Variants in YWHAG observed in about 807,000 individuals in gnomAD.
YWHAG encodes the protein 14-3-3 protein gamma.
YWHAG carries 1 observed loss-of-function variant against 23.3 expected under a neutral mutation model. That is an observed-to-expected ratio of 0.04 (90% CI 0.02 to 0.20). The LOEUF (loss-of-function observed/expected upper bound fraction) is 0.20. Among genes scored for constraint, YWHAG ranks in the 10% least tolerant of loss-of-function variants. The probability of loss-of-function intolerance (pLI) is 1.00; values close to 1 mark genes in which losing one functional copy is unlikely to be tolerated. For synonymous variants in YWHAG, 160 were observed against 144.0 expected, an observed-to-expected ratio of 1.11 and a Z score of -0.80; for missense variants, 151 against 338.6, an observed-to-expected ratio of 0.45 and a Z score of 4.35.
chr7:76,356,375 A>C (rs559118212), intron 1 of YWHAG, among the ~76,000 whole-genome samples: 2 of 152,316 alleles, frequency 1.3e-5, no homozygotes, highest in South Asian at 4.1e-4. Context: ...AAAGGTTTTT[A>C]TTTTACAAAC....
intron 1 of YWHAG, among the ~76,000 whole-genome samples, chr7:76,333,794 A>G (rs1438062965): frequency 6.6e-6 from 1 of 152,248 alleles, no homozygotes; most frequent in Non-Finnish European, 1.5e-5. Flanking sequence ...CAGTGCAAGG[A>G]GAGGCCAGCG....
rs1803505045 is a variant in YWHAG, at chr7:76,329,338, G to C, written c.*239C>G. The C allele has an allele frequency of 9.4e-6, 5 of 532,096 alleles. No individual in the cohort carries two copies. Among genetic ancestry groups the C allele is most frequent in the Admixed American group, 3.5e-5 (1 of 28,290 alleles). 33.0% of individuals were successfully genotyped at this position (532,096 alleles called of 1,614,324 possible). A position where few individuals can be genotyped will look rare whatever the true frequency, so the allele number is the denominator to read the frequency against. ...ACAGCTCCACTTGCATGAATCTACAGAACAGTCCAGACGCCAGTGTGAGGC... is the reference window on the plus strand; with the variant it reads ...ACAGCTCCACTTGCATGAATCTACACAACAGTCCAGACGCCAGTGTGAGGC... On this transcript the variant is annotated 3_prime_UTR_variant, in exon 2 of 2. Coordinates refer to ENST00000307630, the MANE Select transcript of YWHAG (RefSeq NM_012479.4). The surrounding 1 kb of genome is among the most constrained non-coding windows in gnomAD (Gnocchi z 6.1).
intron 1 of YWHAG, among the ~76,000 whole-genome samples, chr7:76,343,834 T>A (rs1339876947): frequency 1.3e-5 from 2 of 152,222 alleles, no homozygotes; most frequent in Admixed American, 6.5e-5. Context: ...GGTGAGAGAC[T>A]GTGGGTGAGG....
At chr7:76,334,801 G>GGCGT (rs1803594391) in intron 1 of YWHAG, among the ~76,000 whole-genome samples, 1 of 152,016 alleles carries the variant, frequency 6.6e-6, no homozygotes, top group African/African-American at 2.4e-5. Context: ...GGAGAGAAAT[G>GGCGT]GCGTGATCAC....
At chr7:76,343,936 C>G (rs995814288) in intron 1 of YWHAG, among the ~76,000 whole-genome samples, 1 of 152,170 alleles carries the variant, frequency 6.6e-6, no homozygotes, top group Non-Finnish European at 1.5e-5. Context: ...CCGTATTTCA[C>G]AGCTCCAAAC....
At chr7:76,351,064 A>G (rs1237614995) in intron 1 of YWHAG, among the ~76,000 whole-genome samples, 2 of 152,212 alleles carry the variant, frequency 1.3e-5, no homozygotes, top group African/African-American at 2.4e-5. Flanking sequence ...GCAAGGTGCA[A>G]AAGAATATAA....
intron 1 of YWHAG, among the ~76,000 whole-genome samples, chr7:76,330,732 A>C (rs946733251): frequency 6.6e-6 from 1 of 152,230 alleles, no homozygotes; most frequent in African/African-American, 2.4e-5. Flanking sequence ...AGGGAGTCCA[A>C]ATAAGGGGCA....
intron 1 of YWHAG, among the ~76,000 whole-genome samples, chr7:76,357,409 G>C (rs1803976947): frequency 6.6e-6 from 1 of 152,128 alleles, no homozygotes; most frequent in Non-Finnish European, 1.5e-5. Flanking sequence ...TGTTACATAA[G>C]GCAGGAAATT....
chr7:76,335,153 G>C (rs1275504347), intron 1 of YWHAG, among the ~76,000 whole-genome samples: 1 of 152,208 alleles, frequency 6.6e-6, no homozygotes, highest in Non-Finnish European at 1.5e-5. Context: ...TGCCTCCTGG[G>C]TTCAAGCGAT....
At chr7:76,354,065 A>G (rs1443175570) in intron 1 of YWHAG, among the ~76,000 whole-genome samples, 4 of 145,376 alleles carry the variant, frequency 2.8e-5, no homozygotes, top group Non-Finnish European at 4.5e-5. Flanking sequence ...CCTCAAAAAA[A>G]AAAAAAACAA....
In YWHAG at chr7:76,358,972, A is replaced by C. The variant is rs1305667789; in HGVS notation, c.-164T>G. 1.4e-5 allele frequency: 8 copies of C among 555,330 alleles called. No homozygotes were observed. The highest frequency in any genetic ancestry group is 2.0e-5 in the Non-Finnish European group (7 of 348,558). 34.4% of individuals were successfully genotyped at this position (555,330 alleles called of 1,614,324 possible). ...AGGCGGCTGGAGCTGCGACCGCGGG[A>C]CCGGGCGCGAGGCGGCTGCGGCTGC... On this transcript the variant is annotated 5_prime_UTR_variant, in exon 1 of 2. Transcript: ENST00000307630.
In YWHAG at chr7:76,327,430, A is replaced by G. The variant is rs970926920; in HGVS notation, c.*2147T>C. The G allele has an allele frequency of 6.6e-6, 1 of 152,546 alleles. No individual in the cohort carries two copies. The highest frequency in any genetic ancestry group is 1.5e-5 in the Non-Finnish European group (1 of 68,022). The allele number at this position is 152,546 out of a possible 1,614,324, so 9.4% of individuals were successfully genotyped here. ...AGGCAAGTGCATTTCTTTAAAAATA[A>G]AGAAAAGAAAAACCATTCAAGCTGC... On this transcript the variant is annotated 3_prime_UTR_variant, in exon 2 of 2. Transcript: ENST00000307630.
intron 1 of YWHAG, among the ~76,000 whole-genome samples, chr7:76,352,988 A>G (rs1250445875): frequency 1.3e-5 from 2 of 152,130 alleles, no homozygotes; most frequent in Admixed American, 6.6e-5. Flanking sequence ...ACATATTAGT[A>G]GTATTCAACT....
intron 1 of YWHAG, among the ~76,000 whole-genome samples, chr7:76,350,980 T>C (rs915138141): frequency 2.0e-5 from 3 of 152,310 alleles, no homozygotes; most frequent in South Asian, 4.1e-4. Context: ...AATTAAATTA[T>C]GATATATCCA....
At chr7:76,353,490 C>T (rs1488741248) in intron 1 of YWHAG, among the ~76,000 whole-genome samples, 4 of 152,182 alleles carry the variant, frequency 2.6e-5, no homozygotes, top group South Asian at 4.1e-4. Context: ...GGATTACAGG[C>T]GTGAGCCACC....
At chr7:76,337,804 G>C (rs1443254513) in intron 1 of YWHAG, among the ~76,000 whole-genome samples, 1 of 152,128 alleles carries the variant, frequency 6.6e-6, no homozygotes, top group Non-Finnish European at 1.5e-5. Context: ...CCAAAGTGCT[G>C]GGATTACCGG....
At chr7:76,330,289 CTG>C in intron 1 of YWHAG, 56 bp from the exon 2 acceptor site, 1 of 1,547,436 alleles carries the variant, frequency 6.5e-7, no homozygotes, top group Non-Finnish European at 8.7e-7. Context: ...ACTGGGTTAA[CTG>C]TATCTTTGAG....
intron 1 of YWHAG, among the ~76,000 whole-genome samples, chr7:76,336,268 C>T (rs1459500772): frequency 1.3e-5 from 2 of 152,098 alleles, no homozygotes; most frequent in Admixed American, 1.3e-4. Context: ...ATGTAGATCA[C>T]CAAGAGTGAG....
At position 76,353,419 on chromosome 7, in the gene YWHAG, G is replaced by C. The variant is rs577808659; in HGVS notation, c.87+5303C>G. ...AGTAGAGACAAGTTTCACCATGTTG[G>C]TCAGGCTGGTCTCCAACTCCTGACC... On this transcript the variant is annotated intron_variant, in intron 1 of 1. Transcript: ENST00000307630. Among the ~76,000 whole-genome samples, 10 of 152,012 alleles carry C rather than the reference G, an allele frequency of 6.6e-5. No individual in the cohort carries two copies. In the South Asian group the frequency reaches 2.1e-3, roughly 32 times the overall value.
Sources: gnomAD v4.1 joint callset for allele counts (sites outside exome capture counted in the v4.1 genomes callset) on GRCh38, gnomAD v4.1.1 for gene constraint, Gnocchi (gnomAD v3.1) non-coding constraint, MANE v1.5 for transcripts, NCBI Gene and HGNC (gene_info 2026-07-23, HGNC 2026-07-21) for gene names.